GREB1L: variants seen among roughly 807,000 people sequenced by gnomAD.
GREB1L encodes GREB1 like retinoic acid receptor coactivator.
In GREB1L, 17 loss-of-function variants were observed where a neutral mutation model predicts 200.8. That is an observed-to-expected ratio of 0.08 (90% CI 0.06 to 0.13). GREB1L has a LOEUF of 0.13. Among genes scored for constraint, GREB1L ranks in the 10% least tolerant of loss-of-function variants. The pLI, the probability that GREB1L is intolerant of heterozygous loss-of-function variation, is 1.00. For missense variants in GREB1L, 1,657 were observed against 2,367.7 expected, an observed-to-expected ratio of 0.70 and a Z score of 6.23; for synonymous variants, 789 against 893.0, an observed-to-expected ratio of 0.88 and a Z score of 2.08.
At chr18:21,340,734 G>A (rs151003473) in intron 1 of GREB1L, among the ~76,000 whole-genome samples, 2,258 of 151,874 alleles carry the variant, frequency 0.015, 58 homozygotes, top group African/African-American at 0.051. Context: ...TAGTAGAGAC[G>A]GGGTTTCACC....
intron 1 of GREB1L, among the ~76,000 whole-genome samples, chr18:21,308,891 T>C (rs1048970595): frequency 3.3e-5 from 5 of 152,216 alleles, no homozygotes; most frequent in Non-Finnish European, 7.3e-5. Context: ...CCTGTCCTGT[T>C]CTATTCTAGC....
chr18:21,478,703 T>C (rs1480586688), intron 17 of GREB1L, among the ~76,000 whole-genome samples: 1 of 152,114 alleles, frequency 6.6e-6, no homozygotes, highest in Non-Finnish European at 1.5e-5. Context: ...CTTGGTATCT[T>C]CTCCATGCCA....
chr18:21,487,037 C>T (rs900362910), intron 18 of GREB1L, among the ~76,000 whole-genome samples: 2 of 152,208 alleles, frequency 1.3e-5, no homozygotes, highest in Admixed American at 1.3e-4. Flanking sequence ...GATATTTTTG[C>T]AGCTGTTGGA....
intron 7 of GREB1L, among the ~76,000 whole-genome samples, chr18:21,426,596 A>G (rs1182120437): frequency 6.6e-6 from 1 of 152,100 alleles, no homozygotes; most frequent in East Asian, 1.9e-4. Context: ...CTGCATAATT[A>G]TGGTAGCTTT....
chr18:21,523,010 T>A lies in GREB1L; in HGVS notation c.*189T>A. On this transcript the variant is annotated 3_prime_UTR_variant, in exon 33 of 33. Transcript: ENST00000424526. ...GGACATCACTTTCCTTCAGTTCCAA[T>A]TACAGGACCCTTAAATTCAGGTAAA... The A allele has an allele frequency of 7.5e-6, 4 of 534,278 alleles. No homozygotes were observed. Among genetic ancestry groups the A allele is most frequent in the Non-Finnish European group, 1.3e-5 (4 of 308,590 alleles). 33.1% of individuals were successfully genotyped at this position (534,278 alleles called of 1,614,324 possible).
rs1188852285 is a variant in GREB1L at position 21,508,341 on chromosome 18, G to C, written c.4531-46G>C. 3 of 1,550,438 alleles carry C rather than the reference G, an allele frequency of 1.9e-6. No individual in the cohort carries two copies. The Admixed American group carries it at 5.9e-5, about 31-fold the overall frequency. Reference sequence around the variant, plus strand: ...TAGTTCTTTAAGCGTCTTCAATCTAGAGGCTTTAATTTCCCTTTATGGTCT... The same window carrying C: ...TAGTTCTTTAAGCGTCTTCAATCTACAGGCTTTAATTTCCCTTTATGGTCT... On this transcript the variant is annotated intron_variant, in intron 26 of 32. Coordinates refer to ENST00000424526, the MANE Select transcript of GREB1L (RefSeq NM_001142966.3).
chr18:21,441,285 A>G, intron 9 of GREB1L, 115 bp from the exon 10 acceptor site: 1 of 924,550 alleles, frequency 1.1e-6, no homozygotes, highest in Non-Finnish European at 1.5e-6. Flanking sequence ...GAAAAACACA[A>G]CAAACCATTA....
intron 18 of GREB1L, among the ~76,000 whole-genome samples, chr18:21,487,099 A>G (rs2036156882): frequency 6.6e-6 from 1 of 152,224 alleles, no homozygotes; most frequent in Non-Finnish European, 1.5e-5. Context: ...CAGCACATGT[A>G]GTCTTAATTT....
At chr18:21,383,297 T>G (rs55869618) in intron 2 of GREB1L, among the ~76,000 whole-genome samples, 1,727 of 152,262 alleles carry the variant, frequency 0.011, 43 homozygotes, top group African/African-American at 0.039. Context: ...AGGGGCTTTT[T>G]GAGTTGGGTT....
intron 32 of GREB1L, 70 bp downstream of exon 32, chr18:21,520,893 A>T (rs9947441): frequency 7.3e-7 from 1 of 1,377,780 alleles, no homozygotes; most frequent in Non-Finnish European, 9.7e-7. Flanking sequence ...GAAGATAAAG[A>T]TATTTTTAAA....
chr18:21,496,705 A>G lies in GREB1L; in HGVS notation c.3391+7A>G. ...GCTGTCACAGGGACCTCGGGTCAGT[A>G]CTTTCTTTTCTCTTTCATGGAGTGA... On this transcript the variant is annotated splice_region_variant and intron_variant, in intron 21 of 32. Coordinates refer to ENST00000424526, the MANE Select transcript of GREB1L (RefSeq NM_001142966.3). 6.4e-7 allele frequency: 1 copy of G among 1,550,412 alleles called. No individual in the cohort carries two copies. The highest frequency in any genetic ancestry group is 1.2e-5 in the South Asian group (1 of 83,984).
intron 7 of GREB1L, chr18:21,434,877 C>G (rs1194710004): frequency 6.6e-6 from 1 of 152,544 alleles, no homozygotes; most frequent in Non-Finnish European, 1.5e-5. Flanking sequence ...TTTCTCAACT[C>G]TTGTTGAATT....
intron 4 of GREB1L, among the ~76,000 whole-genome samples, chr18:21,384,784 C>T (rs1269445287): frequency 6.8e-6 from 1 of 146,694 alleles, no homozygotes; most frequent in African/African-American, 2.5e-5. Flanking sequence ...TCTTTCTATT[C>T]CCCCCCGCCC....
At chr18:21,452,283 A>G (rs1274193255) in intron 14 of GREB1L, 66 bp downstream of exon 14, 1 of 1,464,754 alleles carries the variant, frequency 6.8e-7, no homozygotes, top group African/African-American at 1.4e-5. Flanking sequence ...AAACTAAGTC[A>G]TTCTAAGGGT....
At chr18:21,441,317 A>T in intron 9 of GREB1L, 83 bp from the exon 10 acceptor site, 1 of 1,154,034 alleles carries the variant, frequency 8.7e-7, no homozygotes, top group Non-Finnish European at 1.2e-6. Flanking sequence ...CTTCTCTGTT[A>T]AAAGTATTAA....
rs760981370 is a variant in GREB1L at position 21,404,009 on chromosome 18, C to G, written c.832+15C>G. 1 of 1,548,524 alleles carries G rather than the reference C, an allele frequency of 6.5e-7. No homozygotes were observed. The highest frequency in any genetic ancestry group is 2.4e-5 in the East Asian group (1 of 40,870). ...CACTCAGACAGGTATGGGATATTTT[C>G]TTTTGGCATTTCAAGCATCACATGT... On this transcript the variant is annotated intron_variant, in intron 7 of 32. Transcript: ENST00000424526.
intron 7 of GREB1L, among the ~76,000 whole-genome samples, chr18:21,438,977 AAAG>A (rs2033731430): frequency 6.8e-6 from 1 of 147,936 alleles, no homozygotes; most frequent in African/African-American, 2.5e-5. Flanking sequence ...AAAAAAAAAA[AAAG>A]AAAAGAAAAG....
intron 10 of GREB1L, among the ~76,000 whole-genome samples, chr18:21,443,023 C>T (rs147191469): frequency 1.3e-5 from 2 of 152,072 alleles, no homozygotes; most frequent in Non-Finnish European, 2.9e-5. Context: ...GATTCTTCTG[C>T]CTCCTGAGTA....
intron 1 of GREB1L, among the ~76,000 whole-genome samples, chr18:21,312,932 G>A (rs962527023): frequency 2.0e-5 from 3 of 152,126 alleles, no homozygotes; most frequent in Non-Finnish European, 2.9e-5. Context: ...CAGTGATACT[G>A]AGATTTTTTT....
Sources: gnomAD v4.1 joint callset for allele counts (sites outside exome capture counted in the v4.1 genomes callset) on GRCh38, gnomAD v4.1.1 for gene constraint, MANE v1.5 for transcripts, NCBI Gene and HGNC (gene_info 2026-07-23, HGNC 2026-07-21) for gene names.